SAE1: variants seen among roughly 807,000 people sequenced by gnomAD.
SAE1 encodes SUMO-activating enzyme subunit 1.
SAE1 carries 11 observed loss-of-function variants against 40.6 expected under a neutral mutation model. The ratio of observed to expected loss-of-function variants is 0.27; its 90% CI spans 0.17 to 0.45. The LOEUF is 0.45. Among genes scored for constraint, SAE1 ranks in the 20% least tolerant of loss-of-function variants. SAE1 has a pLI of 1.00. For missense variants in SAE1, 373 were observed against 427.3 expected (o/e 0.87, Z 1.12); for synonymous variants, 155 against 154.3 (o/e 1.00, Z -0.03).
At chr19:47,131,287 A>T (rs2058140469) in intron 1 of SAE1, among the ~76,000 whole-genome samples, 1 of 151,850 alleles carries the variant, frequency 6.6e-6, no homozygotes, top group African/African-American at 2.4e-5. Flanking sequence ...AGAGCGGGAG[A>T]ATTCAAACTC....
chr19:47,203,629 C>T (rs1485429195), intron 7 of SAE1, 42 bp from the exon 8 acceptor site: 1 of 1,570,520 alleles, frequency 6.4e-7, no homozygotes, highest in Non-Finnish European at 8.8e-7. Flanking sequence ...GGTCACAGTT[C>T]TGTTCCCAGT....
At chr19:47,185,048 G>T (rs1220328821) in intron 6 of SAE1, among the ~76,000 whole-genome samples, 1 of 152,028 alleles carries the variant, frequency 6.6e-6, no homozygotes, top group Non-Finnish European at 1.5e-5. Flanking sequence ...TCGAACTCCT[G>T]ACCTCGGGTG....
chr19:47,206,865 A>C (rs1018215100), intron 8 of SAE1, among the ~76,000 whole-genome samples: 1 of 151,976 alleles, frequency 6.6e-6, no homozygotes, highest in South Asian at 2.1e-4. Flanking sequence ...TCTCACCAAA[A>C]CTCTAGCAGG....
At chr19:47,180,667 A>G (rs1375780372) in intron 6 of SAE1, among the ~76,000 whole-genome samples, 1 of 152,092 alleles carries the variant, frequency 6.6e-6, no homozygotes, top group African/African-American at 2.4e-5. Flanking sequence ...TACAAAAAAT[A>G]AAAAAGTTAG....
chr19:47,174,276 A>G (rs1397798002), intron 6 of SAE1, among the ~76,000 whole-genome samples: 1 of 151,356 alleles, frequency 6.6e-6, no homozygotes, highest in Admixed American at 6.6e-5. Context: ...ATGTGCAGTA[A>G]ATTTCTTTTC....
At chr19:47,148,563 G>C (rs954039056) in intron 2 of SAE1, among the ~76,000 whole-genome samples, 1 of 151,772 alleles carries the variant, frequency 6.6e-6, no homozygotes, top group Non-Finnish European at 1.5e-5. Flanking sequence ...CAGCCTTAGG[G>C]GTGAAATAAT....
rs146341629 is a variant in SAE1 at position 47,194,452 on chromosome 19, A to G, written c.734-2781A>G. On this transcript the variant is annotated intron_variant, in intron 6 of 8. Coordinates refer to ENST00000270225, the MANE Select transcript of SAE1 (RefSeq NM_005500.3). ...TTTGCTGAATAAGTCTACTTTTTCA[A>G]TCAACATATACGGAAGAGATATCAA... 1.3e-3 allele frequency among the ~76,000 whole-genome samples: 203 copies of G among 152,320 alleles called. 2 individuals are homozygous for G. In the East Asian group the frequency reaches 0.037, roughly 28 times the overall value.
chr19:47,165,387 G>T (rs2058386447), intron 5 of SAE1, among the ~76,000 whole-genome samples: 1 of 152,148 alleles, frequency 6.6e-6, no homozygotes, highest in African/African-American at 2.4e-5. Flanking sequence ...ACCGCACCCG[G>T]CCTTGTTATT....
chr19:47,165,532 T>TA (rs1291778693), intron 5 of SAE1, among the ~76,000 whole-genome samples: 1 of 152,172 alleles, frequency 6.6e-6, no homozygotes, highest in Admixed American at 6.6e-5. Context: ...GTATGTAAGT[T>TA]ACCTGTTTTC....
intron 5 of SAE1, among the ~76,000 whole-genome samples, chr19:47,160,388 A>ATTTTTTTT (rs34266912): frequency 1.3e-5 from 1 of 75,080 alleles, no homozygotes; most frequent in African/African-American, 4.9e-5. Context: ...CGCCCAGCTA[A>ATTTTTTTT]TTTTTTTTTT....
intron 5 of SAE1, among the ~76,000 whole-genome samples, chr19:47,165,076 CTTTTT>C (rs769656956): frequency 3.9e-4 from 23 of 59,096 alleles, no homozygotes; most frequent in African/African-American, 1.1e-3. Context: ...TGAGCCAAGT[CTTTTT>C]TTTTTTTTTT....
intron 1 of SAE1, among the ~76,000 whole-genome samples, chr19:47,140,612 C>G (rs1178847507): frequency 1.4e-5 from 2 of 141,590 alleles, no homozygotes; most frequent in African/African-American, 5.0e-5. Flanking sequence ...CATAGTGAGA[C>G]CCTGTGTCTA....
intron 8 of SAE1, among the ~76,000 whole-genome samples, chr19:47,204,171 G>A (rs1352375483): frequency 1.4e-5 from 2 of 141,356 alleles, no homozygotes; most frequent in African/African-American, 5.3e-5. Flanking sequence ...TCATCACCAT[G>A]ACATCAAAGC....
intron 6 of SAE1, among the ~76,000 whole-genome samples, chr19:47,185,591 T>C (rs1267668732): frequency 6.6e-6 from 1 of 151,652 alleles, no homozygotes; most frequent in Non-Finnish European, 1.5e-5. Flanking sequence ...CAGGCTGAGC[T>C]ACTGCGCCCA....
Position 47,165,366 on chromosome 19 carries a change from A to G in SAE1, c.628-4452A>G, listed in dbSNP as rs138725625. On this transcript the variant is annotated intron_variant, in intron 5 of 8. Transcript: ENST00000270225. ...TGGCCTCCCAAAGTGCTGGGATTAT[A>G]GGTGTGAGCCACCGCACCCGGCCTT... is the stretch of plus-strand genomic sequence containing the variant. Among the ~76,000 whole-genome samples the G allele has an allele frequency of 1.5e-4, 23 of 152,290 alleles. No individual in the cohort carries two copies. In the East Asian group the frequency reaches 4.2e-3, roughly 28 times the overall value.
chr19:47,201,136 G>T (rs1371874164), intron 7 of SAE1, among the ~76,000 whole-genome samples: 1 of 151,638 alleles, frequency 6.6e-6, no homozygotes, highest in Non-Finnish European at 1.5e-5. Context: ...CCGCCTCTGT[G>T]CTCTGTGGTT....
At chr19:47,180,960 G>A (rs1386148744) in intron 6 of SAE1, among the ~76,000 whole-genome samples, 2 of 152,178 alleles carry the variant, frequency 1.3e-5, no homozygotes, top group Non-Finnish European at 2.9e-5. Flanking sequence ...GTAACCCTGG[G>A]TTGGATCTGA....
intron 5 of SAE1, among the ~76,000 whole-genome samples, chr19:47,162,933 A>G (rs2058368065): frequency 6.6e-6 from 1 of 152,196 alleles, no homozygotes; most frequent in Non-Finnish European, 1.5e-5. Flanking sequence ...TGTAGGCAGC[A>G]GTGAGCTGAG....
chr19:47,203,545 A>G (rs542699816), intron 7 of SAE1, 126 bp from the exon 8 acceptor site: 68 of 750,518 alleles, frequency 9.1e-5, no homozygotes, highest in South Asian at 4.0e-4. Context: ...TAACACTGCT[A>G]TCTGAATCGG....
Sources: allele counts gnomAD v4.1 joint callset (sites outside exome capture counted in the v4.1 genomes callset), GRCh38; gene constraint gnomAD v4.1.1; transcripts MANE v1.5; gene names NCBI Gene and HGNC (gene_info 2026-07-23, HGNC 2026-07-21).